The following ME3 variants were observed in gnomAD, a reference collection of about 807,000 sequenced individuals.
ME3 encodes the protein malic enzyme 3, also known as NADP-dependent malic enzyme, mitochondrial.
Under a neutral mutation model 68.9 loss-of-function variants are expected in ME3, and 48 were observed. The ratio of observed to expected loss-of-function variants is 0.70; its 90% CI spans 0.55 to 0.89. The LOEUF (loss-of-function observed/expected upper bound fraction) is 0.89, where lower values mean the gene tolerates loss of function less well. Ranked by LOEUF, ME3 falls within the 40% of genes least tolerant of loss-of-function variation. ME3 has a pLI of 0.00. For missense variants in ME3, 675 were observed against 797.4 expected, an observed-to-expected ratio of 0.85 and a Z score of 1.85; for synonymous variants, 320 against 318.8, an observed-to-expected ratio of 1.00 and a Z score of -0.04.
chr11:86,514,404 T>C (rs1034114440), intron 4 of ME3, among the ~76,000 whole-genome samples: 3 of 152,178 alleles, frequency 2.0e-5, no homozygotes, highest in African/African-American at 4.8e-5. Context: ...TTTAGGTGCC[T>C]CAGGAGGTGC....
At chr11:86,595,175 TAAATA>T (rs1244199825) in intron 2 of ME3, among the ~76,000 whole-genome samples, 1 of 144,906 alleles carries the variant, frequency 6.9e-6, no homozygotes, top group Non-Finnish European at 1.5e-5. Flanking sequence ...TAAAAATAAG[TAAATA>T]AAATATAAAT....
intron 2 of ME3, among the ~76,000 whole-genome samples, chr11:86,605,067 T>C (rs1438243396): frequency 1.3e-5 from 2 of 152,218 alleles, no homozygotes; most frequent in East Asian, 3.9e-4. Context: ...GATTTCACTA[T>C]TCTGGATATT....
At chr11:86,558,062 T>A (rs1355396488) in intron 3 of ME3, among the ~76,000 whole-genome samples, 1 of 152,100 alleles carries the variant, frequency 6.6e-6, no homozygotes, top group Non-Finnish European at 1.5e-5. Flanking sequence ...GCAAGCCCTC[T>A]AGAGCTCCCA....
chr11:86,496,177 G>A (rs895550901), intron 6 of ME3, among the ~76,000 whole-genome samples: 9 of 152,118 alleles, frequency 5.9e-5, no homozygotes, highest in Non-Finnish European at 7.4e-5. Context: ...AGGCTGAGGC[G>A]GGCAGATCAC....
At chr11:86,602,380 A>C (rs555595276) in intron 2 of ME3, among the ~76,000 whole-genome samples, 16 of 152,290 alleles carry the variant, frequency 1.1e-4, no homozygotes, top group African/African-American at 3.6e-4. Flanking sequence ...TAAAATACTT[A>C]TGAATCCAAC....
intron 2 of ME3, among the ~76,000 whole-genome samples, chr11:86,667,576 G>A (rs771643592): frequency 7.2e-5 from 11 of 152,194 alleles, no homozygotes; most frequent in Non-Finnish European, 1.5e-4. Flanking sequence ...GTCAGACAGA[G>A]CTAATGCCAT....
At chr11:86,481,840 G>T (rs1213150328) in intron 7 of ME3, among the ~76,000 whole-genome samples, 8 of 152,150 alleles carry the variant, frequency 5.3e-5, no homozygotes, top group Non-Finnish European at 1.2e-4. Flanking sequence ...CAGCTCCAAA[G>T]GGGGCAAAGG....
At chr11:86,590,072 T>C (rs1958971922) in intron 2 of ME3, among the ~76,000 whole-genome samples, 3 of 152,202 alleles carry the variant, frequency 2.0e-5, no homozygotes, top group Admixed American at 1.3e-4. Context: ...GGGAAGAGAC[T>C]TGGCCCACGG....
intron 7 of ME3, among the ~76,000 whole-genome samples, chr11:86,477,023 A>G (rs1951117266): frequency 6.6e-6 from 1 of 152,208 alleles, no homozygotes. Flanking sequence ...GAAACTGCCT[A>G]AATTAATAAT....
chr11:86,598,418 G>A (rs542777578), intron 2 of ME3, among the ~76,000 whole-genome samples: 1 of 152,368 alleles, frequency 6.6e-6, no homozygotes, highest in South Asian at 2.1e-4. Context: ...CCATTGCCCA[G>A]ACTCGCTTAG....
intron 4 of ME3, among the ~76,000 whole-genome samples, chr11:86,513,097 G>T (rs1038519685): frequency 2.0e-5 from 3 of 152,174 alleles, no homozygotes; most frequent in Non-Finnish European, 4.4e-5. Flanking sequence ...CAAAGCTCTG[G>T]TGTGGTTAAA....
intron 2 of ME3, among the ~76,000 whole-genome samples, chr11:86,655,159 A>G (rs1945770622): frequency 6.6e-6 from 1 of 152,272 alleles, no homozygotes; most frequent in Non-Finnish European, 1.5e-5. Flanking sequence ...TATCGTGAAA[A>G]TGGCCACACT....
intron 7 of ME3, among the ~76,000 whole-genome samples, chr11:86,473,313 T>C (rs1950885106): frequency 6.6e-6 from 1 of 152,204 alleles, no homozygotes; most frequent in African/African-American, 2.4e-5. Context: ...GTTTAGAGGA[T>C]CACTGGTGAC....
At chr11:86,558,355 C>T (rs1957034493) in intron 3 of ME3, among the ~76,000 whole-genome samples, 1 of 152,102 alleles carries the variant, frequency 6.6e-6, no homozygotes, top group African/African-American at 2.4e-5. Flanking sequence ...TAGCTAGACC[C>T]AATCAGAGTG....
chr11:86,508,085 A>C (rs1282761382), intron 5 of ME3, among the ~76,000 whole-genome samples: 1 of 152,142 alleles, frequency 6.6e-6, no homozygotes, highest in Non-Finnish European at 1.5e-5. Context: ...TCCTGGAAGA[A>C]GTGGCAGGTT....
At chr11:86,466,685 A>G (rs1950496908) in intron 7 of ME3, among the ~76,000 whole-genome samples, 1 of 152,142 alleles carries the variant, frequency 6.6e-6, no homozygotes, top group African/African-American at 2.4e-5. Flanking sequence ...CCCAAATACC[A>G]GTGGGTGGGC....
chr11:86,511,280 A>G (rs572763737), intron 4 of ME3, among the ~76,000 whole-genome samples: 16 of 152,348 alleles, frequency 1.1e-4, no homozygotes, highest in Admixed American at 6.5e-4. Context: ...AAAGTCCTCA[A>G]CACGCCTACA....
At chr11:86,593,663 T>C (rs1477883850) in intron 2 of ME3, among the ~76,000 whole-genome samples, 1 of 146,608 alleles carries the variant, frequency 6.8e-6, no homozygotes, top group African/African-American at 2.5e-5. Flanking sequence ...AGATAGCCAC[T>C]GTATCATTTT....
At chr11:86,521,929 G>C (rs1391996255) in intron 4 of ME3, among the ~76,000 whole-genome samples, 1 of 152,114 alleles carries the variant, frequency 6.6e-6, no homozygotes, top group Non-Finnish European at 1.5e-5. Flanking sequence ...TCTACATCTT[G>C]GATTCAACCT....
Sources: gnomAD v4.1 joint callset for allele counts (sites outside exome capture counted in the v4.1 genomes callset) on GRCh38, gnomAD v4.1.1 for gene constraint, MANE v1.5 for transcripts, NCBI Gene and HGNC (gene_info 2026-07-23, HGNC 2026-07-21) for gene names.